The following KCNN2 variants were observed in gnomAD, a reference collection of about 807,000 sequenced individuals.
KCNN2 encodes the protein small conductance calcium-activated potassium channel protein 2.
Under a neutral mutation model 55.5 loss-of-function variants are expected in KCNN2, and 24 were observed. The observed-to-expected ratio is 0.43, with a 90% CI of 0.31 to 0.61. KCNN2 has a LOEUF of 0.61. KCNN2 is among the 20% of genes least tolerant of loss of function. The pLI, the probability that KCNN2 is intolerant of heterozygous loss-of-function variation, is 0.08. For synonymous variants in KCNN2, 431 were observed against 336.1 expected (o/e 1.28, Z -3.09); for missense variants, 754 against 853.6 (o/e 0.88, Z 1.45).
chr5:114,264,932 C>T (rs1303686343), intron 2 of KCNN2, among the ~76,000 whole-genome samples: 1 of 152,190 alleles, frequency 6.6e-6, no homozygotes, highest in Admixed American at 6.5e-5. Context: ...TACCTATTGC[C>T]TGAAAACCTA....
At chr5:114,367,474 A>T (rs932812433) in intron 2 of KCNN2, among the ~76,000 whole-genome samples, 22 of 152,230 alleles carry the variant, frequency 1.4e-4, no homozygotes, top group African/African-American at 5.1e-4. Flanking sequence ...TAAAAAATAA[A>T]TGAACACATA....
At chr5:114,430,321 G>T (rs1428696850) in intron 3 of KCNN2, among the ~76,000 whole-genome samples, 1 of 151,982 alleles carries the variant, frequency 6.6e-6, no homozygotes, top group Admixed American at 6.5e-5. Context: ...GTTCATCATA[G>T]AACTTGTACA....
chr5:114,146,477 G>T (rs539072467), intron 1 of KCNN2, among the ~76,000 whole-genome samples: 44 of 152,218 alleles, frequency 2.9e-4, no homozygotes, highest in African/African-American at 1.1e-3. Flanking sequence ...TCCCATAACT[G>T]CAAAACATGA....
At chr5:114,267,044 A>G (rs919773687) in intron 2 of KCNN2, among the ~76,000 whole-genome samples, 2 of 137,828 alleles carry the variant, frequency 1.5e-5, no homozygotes, top group African/African-American at 2.8e-5. Flanking sequence ...TCTCCAGGCT[A>G]GAGTGCAGTG....
chr5:114,064,890 A>G, intron 1 of KCNN2, among the ~76,000 whole-genome samples: 1 of 152,238 alleles, frequency 6.6e-6, no homozygotes, highest in East Asian at 1.9e-4. Flanking sequence ...GGTAGCTTCA[A>G]CAGTCTTTCC....
At chr5:114,348,703 G>GA (rs1376359425) in intron 2 of KCNN2, among the ~76,000 whole-genome samples, 1 of 152,176 alleles carries the variant, frequency 6.6e-6, no homozygotes, top group African/African-American at 2.4e-5. Context: ...AGACTGACAA[G>GA]AAAAAATCTT....
intron 2 of KCNN2, among the ~76,000 whole-genome samples, chr5:114,302,927 G>T (rs1452673728): frequency 6.6e-6 from 1 of 152,230 alleles, no homozygotes; most frequent in Admixed American, 6.5e-5. Context: ...ATGTGAGAGA[G>T]AAAACTTCTG....
At chr5:114,476,115 C>A (rs1243090985) in intron 5 of KCNN2, among the ~76,000 whole-genome samples, 2 of 151,626 alleles carry the variant, frequency 1.3e-5, no homozygotes, top group Non-Finnish European at 2.9e-5. Flanking sequence ...TATACATGTG[C>A]CATGCTGGTG....
intron 1 of KCNN2, among the ~76,000 whole-genome samples, chr5:114,113,993 C>T (rs985056095): frequency 6.6e-6 from 1 of 152,096 alleles, no homozygotes; most frequent in African/African-American, 2.4e-5. Flanking sequence ...GGATCACCTT[C>T]AGTATCATAG....
chr5:114,479,821 C>A (rs1242363821), intron 5 of KCNN2, among the ~76,000 whole-genome samples: 4 of 152,160 alleles, frequency 2.6e-5, no homozygotes, highest in African/African-American at 9.7e-5. Flanking sequence ...TCAAGAAGTT[C>A]TTTGAAACTA....
At chr5:114,364,400 A>G (rs1353685629) in intron 2 of KCNN2, among the ~76,000 whole-genome samples, 1 of 152,154 alleles carries the variant, frequency 6.6e-6, no homozygotes, top group Non-Finnish European at 1.5e-5. Flanking sequence ...GTATCTATCT[A>G]TATAATCTTC....
At chr5:114,206,177 A>G (rs1753764674) in intron 1 of KCNN2, among the ~76,000 whole-genome samples, 1 of 152,218 alleles carries the variant, frequency 6.6e-6, no homozygotes, top group Non-Finnish European at 1.5e-5. Context: ...TAAATTCAAT[A>G]TGAAATAGGA....
chr5:114,098,180 CT>C (rs1171505551), intron 1 of KCNN2, among the ~76,000 whole-genome samples: 1 of 152,068 alleles, frequency 6.6e-6, no homozygotes, highest in Non-Finnish European at 1.5e-5. Context: ...TTTAAGGACC[CT>C]TGTGATTTCA....
At chr5:114,476,048 A>AAATT (rs755812180) in intron 5 of KCNN2, among the ~76,000 whole-genome samples, 9 of 150,866 alleles carry the variant, frequency 6.0e-5, no homozygotes, top group Admixed American at 4.6e-4. Context: ...TTTTTTTTTT[A>AAATT]AATTATACTT....
intron 2 of KCNN2, among the ~76,000 whole-genome samples, chr5:114,270,508 T>G (rs1175977197): frequency 6.6e-6 from 1 of 152,190 alleles, no homozygotes. Context: ...TCTTTTGGGA[T>G]TCTCTGTGCA....
In KCNN2 at chr5:114,233,167, G is replaced by T. The variant is rs1029172901; in HGVS notation, c.-185+11602G>T. ...GATCTCCTGACCTCGTGATCCGCCC[G>T]CCTCGGCCTCCCAAAGTGCTGGGAT... On this transcript the variant is annotated intron_variant, in intron 2 of 10. Coordinates refer to the KCNN2 transcript ENST00000512097. Among the ~76,000 whole-genome samples the T allele has an allele frequency of 2.0e-4, 30 of 150,960 alleles. 1 individual carries two copies. The highest frequency in any genetic ancestry group is 2.0e-3 in the Admixed American group (30 of 15,152).
intron 2 of KCNN2, among the ~76,000 whole-genome samples, chr5:114,321,309 C>CA (rs1405709305): frequency 6.6e-6 from 1 of 152,162 alleles, no homozygotes; most frequent in Non-Finnish European, 1.5e-5. Flanking sequence ...TGTGTGCCCC[C>CA]AAACTCCAAG....
chr5:114,427,079 C>G (rs1166578450), intron 3 of KCNN2, among the ~76,000 whole-genome samples: 2 of 152,138 alleles, frequency 1.3e-5, no homozygotes, highest in Non-Finnish European at 2.9e-5. Flanking sequence ...CCACCTGCAC[C>G]TGGAGTCATC....
chr5:114,328,016 G>A (rs1181660752), intron 2 of KCNN2, among the ~76,000 whole-genome samples: 1 of 152,150 alleles, frequency 6.6e-6, no homozygotes, highest in Non-Finnish European at 1.5e-5. Context: ...TATAGAGGTC[G>A]ATCCTGAGGG....
Sources: allele counts gnomAD v4.1 joint callset (sites outside exome capture counted in the v4.1 genomes callset), GRCh38; gene constraint gnomAD v4.1.1; transcripts MANE v1.5; gene names NCBI Gene and HGNC (gene_info 2026-07-23, HGNC 2026-07-21).